FARP1: variants seen among roughly 807,000 people sequenced by gnomAD.
FARP1 encodes FERM, ARH/RhoGEF and pleckstrin domain protein 1, also known as FERM, ARHGEF and pleckstrin domain-containing protein 1.
In FARP1, 52 loss-of-function variants were observed where a neutral mutation model predicts 128.8. The observed-to-expected ratio is 0.40, with a 90% CI of 0.32 to 0.51. The LOEUF is 0.51. FARP1 is among the 20% of genes least tolerant of loss of function. The pLI, the probability that FARP1 is intolerant of heterozygous loss-of-function variation, is 0.45. For synonymous variants in FARP1, 580 were observed against 551.8 expected (o/e 1.05, Z -0.72); for missense variants, 1,333 against 1,367.9 (o/e 0.97, Z 0.40).
intron 16 of FARP1, among the ~76,000 whole-genome samples, chr13:98,413,369 AAAT>A (rs1342128510): frequency 1.3e-5 from 2 of 152,186 alleles, no homozygotes; most frequent in African/African-American, 4.8e-5. Flanking sequence ...TCAAAATTAA[AAAT>A]AAAAATGTGG....
At chr13:98,312,286 G>A (rs1886505772) in intron 2 of FARP1, among the ~76,000 whole-genome samples, 3 of 151,702 alleles carry the variant, frequency 2.0e-5, no homozygotes, top group South Asian at 2.1e-4. Flanking sequence ...GACTACAGGC[G>A]CCCGCTACCA....
chr13:98,152,423 AG>A (rs373203362), intron 1 of FARP1, among the ~76,000 whole-genome samples: 145 of 152,310 alleles, frequency 9.5e-4, no homozygotes, highest in African/African-American at 3.1e-3. Flanking sequence ...TGCACTTAAA[AG>A]GAGACCCAAA....
intron 16 of FARP1, among the ~76,000 whole-genome samples, chr13:98,414,455 T>G (rs1257328158): frequency 6.6e-6 from 1 of 152,150 alleles, no homozygotes; most frequent in Non-Finnish European, 1.5e-5. Context: ...GTGGCAGGAA[T>G]TCCAAGGGAA....
intron 13 of FARP1, among the ~76,000 whole-genome samples, chr13:98,407,713 C>T (rs1891036032): frequency 6.6e-6 from 1 of 152,190 alleles, no homozygotes; most frequent in Non-Finnish European, 1.5e-5. Context: ...AGTCCGTGGG[C>T]AGGACGTCTG....
chr13:98,185,734 G>A (rs548861602), intron 1 of FARP1, among the ~76,000 whole-genome samples: 45 of 151,168 alleles, frequency 3.0e-4, no homozygotes, highest in African/African-American at 1.0e-3. Flanking sequence ...GTCTCTCTCT[G>A]TCGCCCAGGC....
chr13:98,153,811 C>T (rs1876303778), intron 1 of FARP1, among the ~76,000 whole-genome samples: 1 of 151,900 alleles, frequency 6.6e-6, no homozygotes, highest in Non-Finnish European at 1.5e-5. Context: ...GATCCGCCTG[C>T]CTCAGCCTCC....
intron 1 of FARP1, among the ~76,000 whole-genome samples, chr13:98,153,530 T>TA (rs1876254359): frequency 1.1e-5 from 1 of 89,182 alleles, no homozygotes; most frequent in Non-Finnish European, 2.6e-5. Flanking sequence ...TATATATATA[T>TA]TATATATAAA....
chr13:98,149,745 T>A (rs2139084720), intron 1 of FARP1, among the ~76,000 whole-genome samples: 1 of 135,038 alleles, frequency 7.4e-6, no homozygotes, highest in Non-Finnish European at 1.6e-5. Context: ...TTTTTTTTTT[T>A]TTTTTTTTTT....
chr13:98,380,588 A>AT (rs969010630), intron 6 of FARP1, among the ~76,000 whole-genome samples: 2 of 150,050 alleles, frequency 1.3e-5, no homozygotes, highest in Non-Finnish European at 1.5e-5. Flanking sequence ...CCCCCCCAAA[A>AT]TTTTTTTTTT....
intron 2 of FARP1, among the ~76,000 whole-genome samples, chr13:98,309,153 CTTTTTTTTTTTTTTTTTTTTTT>C (rs56030081): frequency 6.7e-5 from 6 of 89,672 alleles, no homozygotes; most frequent in African/African-American, 1.8e-4. Context: ...TTTAAGAGGC[CTTTTTTTTTTTTTTTTTTTTTT>C]TTTTTTTTGG....
chr13:98,244,650 T>C (rs766468205), intron 2 of FARP1: 30 of 1,614,112 alleles, frequency 1.9e-5, no homozygotes, highest in Non-Finnish European at 2.5e-5. Context: ...TTACACAAAC[T>C]GGGCTGGAAG....
At chr13:98,437,802 G>C in intron 19 of FARP1, 1 of 1,596,074 alleles carries the variant, frequency 6.3e-7, no homozygotes, top group Non-Finnish European at 8.5e-7. Context: ...TCCACACTTA[G>C]GACAAGCCAG....
At chr13:98,192,821 T>G (rs1879324130) in intron 1 of FARP1, among the ~76,000 whole-genome samples, 1 of 152,226 alleles carries the variant, frequency 6.6e-6, no homozygotes, top group South Asian at 2.1e-4. Flanking sequence ...AATTTGCTTG[T>G]ACAAGTAATA....
chr13:98,448,317 A>G lies in FARP1; in HGVS notation c.3138A>G (p.Ter1046TrpextTer22). Residue 1046 changes from the stop codon to tryptophan, a stop_lost, in exon 27 of 27, where the codon TGA (stop) becomes TGG (tryptophan). Transcript: ENST00000319562. ...VLSHKESLVY[*>W] ...GTCACAAAGAGTCTCTTGTGTATTG[A>G]TGGCCGGACACACTCGTTTCCGCAG... is the stretch of plus-strand genomic sequence containing the variant. 3 of 1,610,220 alleles carry G rather than the reference A, an allele frequency of 1.9e-6. No homozygotes were observed. The highest frequency in any genetic ancestry group is 2.6e-6 in the Non-Finnish European group (3 of 1,176,426).
At chr13:98,430,076 T>C (rs1280850781) in intron 17 of FARP1, among the ~76,000 whole-genome samples, 2 of 151,832 alleles carry the variant, frequency 1.3e-5, no homozygotes, top group Non-Finnish European at 2.9e-5. Context: ...ACCCTGTCTC[T>C]AAAAATAAAT....
chr13:98,238,272 C>T (rs1387253842), intron 2 of FARP1, among the ~76,000 whole-genome samples: 3 of 152,182 alleles, frequency 2.0e-5, no homozygotes, highest in Admixed American at 6.5e-5. Flanking sequence ...ACCAACCCCT[C>T]CTCTTCCTCC....
At chr13:98,335,821 A>G (rs144530861) in intron 2 of FARP1, among the ~76,000 whole-genome samples, 8 of 152,316 alleles carry the variant, frequency 5.3e-5, no homozygotes, top group African/African-American at 1.9e-4. Context: ...ATTTTGAACA[A>G]TATTCTGATA....
intron 1 of FARP1, among the ~76,000 whole-genome samples, chr13:98,146,787 C>T (rs1466222131): frequency 2.6e-5 from 4 of 152,166 alleles, no homozygotes; most frequent in African/African-American, 4.8e-5. Flanking sequence ...GCTCTCGTGG[C>T]AGTCTCTCTC....
At chr13:98,147,809 A>G (rs1414443243) in intron 1 of FARP1, among the ~76,000 whole-genome samples, 1 of 131,380 alleles carries the variant, frequency 7.6e-6, no homozygotes, top group Non-Finnish European at 1.6e-5. Flanking sequence ...GACACATGCC[A>G]TCACGCCCAG....
Sources: gnomAD v4.1 joint callset for allele counts (sites outside exome capture counted in the v4.1 genomes callset) on GRCh38, gnomAD v4.1.1 for gene constraint, MANE v1.5 for transcripts, NCBI Gene and HGNC (gene_info 2026-07-23, HGNC 2026-07-21) for gene names.